DNAH12: variants seen among roughly 807,000 people sequenced by gnomAD.
DNAH12 encodes axonemal beta dynein heavy chain 12.
Under a neutral mutation model 371.5 loss-of-function variants are expected in DNAH12, and 285 were observed. That is an observed-to-expected ratio of 0.77 (90% confidence interval 0.70 to 0.85). The LOEUF (loss-of-function observed/expected upper bound fraction) is 0.85. Among genes scored for constraint, DNAH12 ranks in the 40% least tolerant of loss-of-function variants. The probability of loss-of-function intolerance (pLI) is 0.00; values close to 1 mark genes in which losing one functional copy is unlikely to be tolerated. For missense variants in DNAH12, 3,611 were observed against 3,689.4 expected, an observed-to-expected ratio of 0.98 and a Z score of 0.55; for synonymous variants, 1,200 against 1,213.0, an observed-to-expected ratio of 0.99 and a Z score of 0.22.
At chr3:57,416,636 A>G (rs1372036495) in intron 37 of DNAH12, among the ~76,000 whole-genome samples, 1 of 152,148 alleles carries the variant, frequency 6.6e-6, no homozygotes, top group Non-Finnish European at 1.5e-5. Context: ...CAATAGCCAA[A>G]GGTTTTGTGA....
chr3:57,416,443 CTA>C (rs1206643641), intron 37 of DNAH12, among the ~76,000 whole-genome samples: 2 of 152,140 alleles, frequency 1.3e-5, no homozygotes, highest in Non-Finnish European at 2.9e-5. Context: ...TGTAATATCG[CTA>C]TATATAAAAC....
At chr3:57,369,133 T>G (rs2063113157) in intron 55 of DNAH12, among the ~76,000 whole-genome samples, 1 of 150,260 alleles carries the variant, frequency 6.7e-6, no homozygotes, top group Admixed American at 6.7e-5. Flanking sequence ...GGCAGGAGAA[T>G]CGCTTAAACC....
At chr3:57,383,290 C>G (rs2063433403) in intron 49 of DNAH12, among the ~76,000 whole-genome samples, 1 of 152,140 alleles carries the variant, frequency 6.6e-6, no homozygotes, top group Non-Finnish European at 1.5e-5. Context: ...AAACTGAACT[C>G]TAACTCAGGT....
chr3:57,325,580 T>A (rs1286625552), intron 62 of DNAH12, among the ~76,000 whole-genome samples: 3 of 152,014 alleles, frequency 2.0e-5, no homozygotes, highest in Non-Finnish European at 4.4e-5. Context: ...TACATCACCA[T>A]CATCAAAGAC....
At chr3:57,544,384 A>G (rs1006973348), upstream of DNAH12, 1 of 152,176 alleles carries the variant, frequency 6.6e-6, no homozygotes, top group African/African-American at 2.4e-5. Flanking sequence ...CGCCATGGAA[A>G]CTGTGGCGGC....
intron 60 of DNAH12, among the ~76,000 whole-genome samples, chr3:57,336,480 C>G (rs1553653772): frequency 6.6e-6 from 1 of 151,630 alleles, no homozygotes; most frequent in Middle Eastern, 3.2e-3. Context: ...AGAAAAAAAC[C>G]TAAAGATAAA....
intron 2 of DNAH12, among the ~76,000 whole-genome samples, chr3:57,528,381 T>C (rs1559754282): frequency 6.6e-6 from 1 of 151,848 alleles, no homozygotes; most frequent in Non-Finnish European, 1.5e-5. Context: ...TTGATAGAGA[T>C]TGCATTGAAT....
At chr3:57,426,647 T>C (rs996605442) in intron 34 of DNAH12, among the ~76,000 whole-genome samples, 15 of 151,358 alleles carry the variant, frequency 9.9e-5, no homozygotes, top group African/African-American at 3.4e-4. Flanking sequence ...CTGGCCAACA[T>C]AGCAAAACCT....
chr3:57,406,520 G>A (rs2064034409), intron 40 of DNAH12, among the ~76,000 whole-genome samples: 1 of 152,150 alleles, frequency 6.6e-6, no homozygotes, highest in Admixed American at 6.5e-5. Context: ...GCCCATCCAA[G>A]TGGAAACCTG....
rs2061864955 is a variant in DNAH12, at chr3:57,323,762, C to A, written c.9979-143G>T. On this transcript the variant is annotated intron_variant, in intron 62 of 73. Transcript: ENST00000495027. ...AGCATCATAGACAAAGCACTAATTT[C>A]TCTAAAAAATAAAAACTATATACAT... 8 of 869,758 alleles carry A rather than the reference C, an allele frequency of 9.2e-6. No individual in the cohort carries two copies. In the East Asian group the frequency reaches 1.2e-4, roughly 13 times the overall value. The allele number at this position is 869,758 out of a possible 1,614,324, so 53.9% of individuals were successfully genotyped here.
chr3:57,519,673 T>C (rs1442445671), intron 4 of DNAH12: 2 of 1,589,826 alleles, frequency 1.3e-6, no homozygotes, highest in Non-Finnish European at 1.7e-6. Flanking sequence ...CCGCTCTCAT[T>C]TGCCGATTCT....
chr3:57,438,129 C>A (rs946576236), intron 29 of DNAH12, among the ~76,000 whole-genome samples: 1 of 150,276 alleles, frequency 6.7e-6, no homozygotes, highest in South Asian at 2.1e-4. Context: ...CCCAACATGG[C>A]AAAATCCTAT....
chr3:57,414,395 C>T (rs144915681), intron 38 of DNAH12, among the ~76,000 whole-genome samples: 3,787 of 152,178 alleles, frequency 0.025, 68 homozygotes, highest in Admixed American at 0.036. Context: ...ATTTTACTTT[C>T]CAACTTTTAT....
At chr3:57,490,442 A>T (rs916073278) in intron 11 of DNAH12, among the ~76,000 whole-genome samples, 1 of 152,222 alleles carries the variant, frequency 6.6e-6, no homozygotes, top group African/African-American at 2.4e-5. Flanking sequence ...GTAATTTTTT[A>T]AAATTAAACA....
At chr3:57,485,895 T>C (rs746259929) in intron 12 of DNAH12, among the ~76,000 whole-genome samples, 1 of 152,004 alleles carries the variant, frequency 6.6e-6, no homozygotes, top group Non-Finnish European at 1.5e-5. Context: ...ACTTGAGTGA[T>C]GGGTACACTA....
In DNAH12 at chr3:57,359,420, G is replaced by A. The variant is rs1355067037; in HGVS notation, c.9361-2072C>T. ...ACTAAAAATACAAAATTAGCCGGAC[G>A]TGGTGGCGCATGCCTGTAATCCCAG... On this transcript the variant is annotated intron_variant, in intron 58 of 73. Transcript: ENST00000495027. Among the ~76,000 whole-genome samples, 6 of 151,688 alleles carry A rather than the reference G, an allele frequency of 4.0e-5. No homozygotes were observed. The East Asian group carries it at 5.9e-4, about 15-fold the overall frequency.
chr3:57,336,046 AT>A (rs1344290866), intron 60 of DNAH12, among the ~76,000 whole-genome samples: 5 of 152,172 alleles, frequency 3.3e-5, no homozygotes, highest in Admixed American at 3.3e-4. Flanking sequence ...CAGTGGCACA[AT>A]CATAGTTCAC....
intron 60 of DNAH12, among the ~76,000 whole-genome samples, chr3:57,339,862 G>C (rs377383989): frequency 1.6e-4 from 24 of 152,162 alleles, no homozygotes; most frequent in East Asian, 1.4e-3. Context: ...TTGAGTCCAG[G>C]GATTCAAGAC....
chr3:57,502,748 T>C (rs6445898), intron 9 of DNAH12, among the ~76,000 whole-genome samples: 101,519 of 151,860 alleles, frequency 0.67, 34,151 homozygotes, highest in South Asian at 0.75. Context: ...GGTTTCACCA[T>C]GTTGGTCAGG....
Sources: gnomAD v4.1 joint callset for allele counts (sites outside exome capture counted in the v4.1 genomes callset) on GRCh38, gnomAD v4.1.1 for gene constraint, MANE v1.5 for transcripts, NCBI Gene and HGNC (gene_info 2026-07-23, HGNC 2026-07-21) for gene names.